Variants in RGS22 observed in about 807,000 individuals in gnomAD.
RGS22 encodes the protein regulator of G protein signaling 22.
Under a neutral mutation model 172.9 loss-of-function variants are expected in RGS22, and 148 were observed. The observed-to-expected ratio is 0.86, with a 90% CI of 0.75 to 0.98. RGS22 has a LOEUF of 0.98. Among genes scored for constraint, RGS22 ranks in the 50% least tolerant of loss-of-function variants. RGS22 has a pLI of 0.00. For missense variants in RGS22, 1,347 were observed against 1,440.8 expected, an observed-to-expected ratio of 0.93 and a Z score of 1.05; for synonymous variants, 458 against 480.2, an observed-to-expected ratio of 0.95 and a Z score of 0.60.
At chr8:99,991,452 G>A (rs905965501) in intron 20 of RGS22, among the ~76,000 whole-genome samples, 1 of 152,144 alleles carries the variant, frequency 6.6e-6, no homozygotes, top group Non-Finnish European at 1.5e-5. Flanking sequence ...ACCATGGCAC[G>A]AGAACTTCGC....
At chr8:100,094,691 CT>C (rs983152010) in intron 2 of RGS22, among the ~76,000 whole-genome samples, 2 of 152,194 alleles carry the variant, frequency 1.3e-5, no homozygotes, top group African/African-American at 4.8e-5. Flanking sequence ...TTGGCAAAGT[CT>C]AACAAAGCAG....
At chr8:100,019,379 T>A (rs1817357779) in intron 14 of RGS22, among the ~76,000 whole-genome samples, 1 of 152,356 alleles carries the variant, frequency 6.6e-6, no homozygotes, top group South Asian at 2.1e-4. Context: ...TTTATTTTAA[T>A]GATCATGTGT....
At chr8:99,969,056 A>G (rs1175119045) in intron 23 of RGS22, among the ~76,000 whole-genome samples, 1 of 152,208 alleles carries the variant, frequency 6.6e-6, no homozygotes, top group Non-Finnish European at 1.5e-5. Context: ...GAAACCCCAT[A>G]GGGTAAGCCA....
intron 6 of RGS22, among the ~76,000 whole-genome samples, chr8:100,069,163 A>G (rs1382143085): frequency 6.6e-6 from 1 of 152,202 alleles, no homozygotes; most frequent in Non-Finnish European, 1.5e-5. Context: ...ATTCCAACAC[A>G]GAAAGCAAAG....
At chr8:100,025,267 G>A (rs978513026) in intron 14 of RGS22, among the ~76,000 whole-genome samples, 3 of 152,182 alleles carry the variant, frequency 2.0e-5, no homozygotes, top group Admixed American at 6.5e-5. Flanking sequence ...GATTCACAGT[G>A]TTCAGGAATC....
intron 14 of RGS22, among the ~76,000 whole-genome samples, chr8:100,015,512 T>C (rs2131412265): frequency 6.6e-6 from 1 of 152,244 alleles, no homozygotes; most frequent in East Asian, 1.9e-4. Flanking sequence ...AGGCTGGTCT[T>C]GAGCTCCTGA....
At chr8:100,085,613 T>C (rs572265455) in intron 3 of RGS22, among the ~76,000 whole-genome samples, 2 of 152,330 alleles carry the variant, frequency 1.3e-5, no homozygotes, top group South Asian at 4.1e-4. Flanking sequence ...AGGGACTGGA[T>C]GAAGGGATGG....
chr8:100,099,896 A>G (rs1446324317), intron 2 of RGS22, among the ~76,000 whole-genome samples: 3 of 152,228 alleles, frequency 2.0e-5, no homozygotes, highest in African/African-American at 4.8e-5. Context: ...CAGTGTTTCC[A>G]TATGAAGCTG....
chr8:100,068,290 G>A (rs976617057), intron 6 of RGS22, among the ~76,000 whole-genome samples: 1 of 151,974 alleles, frequency 6.6e-6, no homozygotes, highest in African/African-American at 2.4e-5. Context: ...AGGCTGAGGC[G>A]GGAGAATCGC....
chr8:100,105,289 A>G, intron 2 of RGS22, 85 bp downstream of exon 2: 1 of 1,113,296 alleles, frequency 9.0e-7, no homozygotes, highest in African/African-American at 1.6e-5. Context: ...GGAGGAAAGA[A>G]AACACACAGC....
At chr8:100,028,574 C>T (rs769898041) in intron 14 of RGS22, among the ~76,000 whole-genome samples, 8 of 151,936 alleles carry the variant, frequency 5.3e-5, no homozygotes, top group Non-Finnish European at 8.8e-5. Flanking sequence ...ATTATGTGGG[C>T]TTCATGTTCA....
intron 4 of RGS22, among the ~76,000 whole-genome samples, chr8:100,078,545 T>A (rs976341477): frequency 6.6e-6 from 1 of 151,992 alleles, no homozygotes; most frequent in Non-Finnish European, 1.5e-5. Context: ...GTTCTTTGTC[T>A]GTTTTTTCCT....
chr8:100,062,784 C>T, intron 8 of RGS22, 32 bp from the exon 9 acceptor site: 11 of 1,535,642 alleles, frequency 7.2e-6, no homozygotes, highest in Non-Finnish European at 9.8e-6. Context: ...TATATACACA[C>T]ACACATTGGT....
intron 14 of RGS22, among the ~76,000 whole-genome samples, chr8:100,032,919 T>C (rs190711256): frequency 3.9e-5 from 6 of 152,262 alleles, no homozygotes; most frequent in Middle Eastern, 3.4e-3. Flanking sequence ...GAATGACTAC[T>C]GAGTAAATAA....
chr8:99,972,403 G>C (rs368231659), intron 23 of RGS22, among the ~76,000 whole-genome samples: 4 of 152,094 alleles, frequency 2.6e-5, no homozygotes, highest in East Asian at 3.9e-4. Context: ...CGACAAATGG[G>C]GTCTAATTAA....
intron 12 of RGS22, among the ~76,000 whole-genome samples, 155 bp downstream of exon 12, chr8:100,041,647 A>G (rs1164287742): frequency 1.3e-5 from 2 of 152,252 alleles, no homozygotes; most frequent in Non-Finnish European, 2.9e-5. Flanking sequence ...CACAGAGGAA[A>G]TATTTGTGTA....
At chr8:100,051,419 TATAC>T (rs1821272318) in intron 10 of RGS22, among the ~76,000 whole-genome samples, 2 of 119,174 alleles carry the variant, frequency 1.7e-5, no homozygotes, top group South Asian at 5.1e-4. Flanking sequence ...ATTATATATA[TATAC>T]ATTTATATAT....
intron 23 of RGS22, among the ~76,000 whole-genome samples, chr8:99,966,760 AAC>A (rs1391114023): frequency 6.6e-6 from 1 of 152,210 alleles, no homozygotes. Context: ...AATTTTGAGG[AAC>A]ACAAACATGT....
At chr8:100,086,770 C>A (rs1812196100) in intron 3 of RGS22, among the ~76,000 whole-genome samples, 1 of 152,114 alleles carries the variant, frequency 6.6e-6, no homozygotes, top group African/African-American at 2.4e-5. Flanking sequence ...AACAAAATCT[C>A]TGGGGAAGGA....
Sources: gnomAD v4.1 joint callset for allele counts (sites outside exome capture counted in the v4.1 genomes callset) on GRCh38, gnomAD v4.1.1 for gene constraint, MANE v1.5 for transcripts, NCBI Gene and HGNC (gene_info 2026-07-23, HGNC 2026-07-21) for gene names.